RTTN: variants seen among roughly 807,000 people sequenced by gnomAD.
RTTN encodes rotatin.
In RTTN, 182 loss-of-function variants were observed where a neutral mutation model predicts 269.2. The ratio of observed to expected loss-of-function variants is 0.68; its 90% confidence interval spans 0.60 to 0.76. The LOEUF (loss-of-function observed/expected upper bound fraction) is 0.76. Among genes scored for constraint, RTTN ranks in the 30% least tolerant of loss-of-function variants. The pLI is 0.00. For synonymous variants in RTTN, 1,006 were observed against 963.5 expected, an observed-to-expected ratio of 1.04 and a Z score of -0.82; for missense variants, 2,545 against 2,608.6, an observed-to-expected ratio of 0.98 and a Z score of 0.53.
At chr18:70,060,716 T>G (rs962429387) in intron 35 of RTTN, among the ~76,000 whole-genome samples, 1 of 152,176 alleles carries the variant, frequency 6.6e-6, no homozygotes, top group Non-Finnish European at 1.5e-5. Flanking sequence ...TCCTCCTAAC[T>G]GTATTTTGTA....
intron 29 of RTTN, 103 bp downstream of exon 29, chr18:70,092,573 G>T: frequency 1.5e-6 from 2 of 1,320,400 alleles, no homozygotes; most frequent in African/African-American, 1.5e-5. Context: ...AAAGTCAAAA[G>T]AGACATTTTC....
chr18:70,056,307 C>T (rs866415682), intron 37 of RTTN, among the ~76,000 whole-genome samples: 3 of 152,110 alleles, frequency 2.0e-5, no homozygotes, highest in Non-Finnish European at 4.4e-5. Flanking sequence ...GAATGTGGGC[C>T]CTGGAACTGA....
At chr18:70,174,841 C>G (rs1050619362) in intron 11 of RTTN, among the ~76,000 whole-genome samples, 1 of 149,870 alleles carries the variant, frequency 6.7e-6, no homozygotes, top group African/African-American at 2.5e-5. Context: ...GCAAACATGG[C>G]GAAATCTGGT....
chr18:70,091,330 A>C (rs1022193154), intron 30 of RTTN, among the ~76,000 whole-genome samples: 3 of 152,182 alleles, frequency 2.0e-5, no homozygotes, highest in Non-Finnish European at 4.4e-5. Context: ...AAGTGACTAC[A>C]TTTGAAGACA....
intron 2 of RTTN, among the ~76,000 whole-genome samples, 168 bp from the exon 3 acceptor site, chr18:70,204,431 C>G (rs2062027186): frequency 6.6e-6 from 1 of 152,186 alleles, no homozygotes; most frequent in African/African-American, 2.4e-5. Flanking sequence ...AGCACATACA[C>G]CTATAGAGAC....
At chr18:70,144,223 C>T (rs1439711044) in intron 18 of RTTN, among the ~76,000 whole-genome samples, 1 of 152,150 alleles carries the variant, frequency 6.6e-6, no homozygotes, top group East Asian at 1.9e-4. Flanking sequence ...ACAAAGGTAA[C>T]AGAAAACAAC....
intron 15 of RTTN, 74 bp from the exon 16 acceptor site, chr18:70,150,161 T>C: frequency 1.2e-6 from 1 of 822,028 alleles, no homozygotes; most frequent in Non-Finnish European, 2.0e-6. Context: ...ACCTGGAACA[T>C]TTTATAGCAT....
At chr18:70,136,360 A>G (rs1387544293) in intron 21 of RTTN, among the ~76,000 whole-genome samples, 1 of 152,046 alleles carries the variant, frequency 6.6e-6, no homozygotes, top group African/African-American at 2.4e-5. Flanking sequence ...CCCAACTGCC[A>G]TAACAGAAAA....
Position 70,121,664 on chromosome 18 carries a change from C to G in RTTN, c.3420G>C (p.Glu1140Asp), listed in dbSNP as rs959847669. 1.5e-5 allele frequency: 24 copies of G among 1,566,516 alleles called. No homozygotes were observed. Among genetic ancestry groups the G allele is most frequent in the Admixed American group, 2.0e-5 (1 of 48,892 alleles). The part of the protein sequence containing the change: ...LQVLPACTED[E>D]KLLIDIIHFL... The stretch of plus-strand genomic sequence containing the variant: ...AATGTATGATATCTATTAGCAGTTT[C>G]TCATCTTCAGTGCAAGCAGGAAGCA... Residue 1140 changes from glutamate to aspartate, a missense_variant, in exon 26 of 49, where the codon GAG becomes GAC. Coordinates refer to ENST00000640769, the MANE Select transcript of RTTN (RefSeq NM_173630.4).
At chr18:70,079,941 G>C (rs900884788) in intron 32 of RTTN, among the ~76,000 whole-genome samples, 1 of 151,852 alleles carries the variant, frequency 6.6e-6, no homozygotes, top group Non-Finnish European at 1.5e-5. Context: ...TATTTTCAAG[G>C]AGAAAAATGA....
Position 70,088,206 on chromosome 18 carries a change from C to T in RTTN, c.4144-59G>A, listed in dbSNP as rs1195978309. On this transcript the variant is annotated intron_variant, in intron 30 of 48. Coordinates refer to ENST00000640769, the MANE Select transcript of RTTN (RefSeq NM_173630.4). ...ATAAGCCTTTTTCCTAACATGAATT[C>T]TTAGTTTTTCTGGTACATAAATATC... is the stretch of plus-strand genomic sequence containing the variant. 8.9e-6 allele frequency: 13 copies of T among 1,462,556 alleles called. 1 individual carries two copies. The highest frequency in any genetic ancestry group is 1.2e-5 in the Non-Finnish European group (13 of 1,087,246). The allele number at this position is 1,462,556 out of a possible 1,614,324, so 90.6% of individuals were successfully genotyped here.
At chr18:70,196,742 T>C (rs1254062374) in intron 6 of RTTN, 94 bp from the exon 7 acceptor site, 14 of 1,234,034 alleles carry the variant, frequency 1.1e-5, no homozygotes, top group Non-Finnish European at 1.5e-5. Context: ...CCTAAGTGAA[T>C]AATCAAGAGA....
chr18:70,128,625 C>T, intron 23 of RTTN, 79 bp from the exon 24 acceptor site: 1 of 1,170,118 alleles, frequency 8.5e-7, no homozygotes, highest in Non-Finnish European at 1.2e-6. Context: ...CAAATGAGGG[C>T]TAGTTCAATG....
intron 34 of RTTN, 136 bp from the exon 35 acceptor site, chr18:70,066,058 C>A (rs938356748): frequency 1.6e-4 from 75 of 478,924 alleles, no homozygotes; most frequent in Non-Finnish European, 2.2e-4. Context: ...AGAAAAGATT[C>A]CATATCTTGG....
chr18:70,194,903 T>C (rs1325640867), intron 7 of RTTN, among the ~76,000 whole-genome samples: 1 of 152,216 alleles, frequency 6.6e-6, no homozygotes, highest in Non-Finnish European at 1.5e-5. Flanking sequence ...ATGTTATTAA[T>C]GTCACTATAT....
intron 12 of RTTN, among the ~76,000 whole-genome samples, chr18:70,167,436 C>CACAAAATGCCACAGAGGCCAG (rs2145914542): frequency 6.6e-6 from 1 of 152,300 alleles, no homozygotes; most frequent in Non-Finnish European, 1.5e-5. Context: ...TAACTGACCA[C>CACAAAATGCCACAGAGGCCAG]ACAAAATGCC....
intron 39 of RTTN, among the ~76,000 whole-genome samples, chr18:70,050,453 G>T (rs1347978324): frequency 6.6e-6 from 1 of 152,194 alleles, no homozygotes. Flanking sequence ...GAGAAAATGG[G>T]AACACTTTTA....
intron 35 of RTTN, among the ~76,000 whole-genome samples, chr18:70,063,478 ATTAC>A (rs2058047457): frequency 6.6e-6 from 1 of 152,188 alleles, no homozygotes; most frequent in Admixed American, 6.5e-5. Flanking sequence ...AGACAGGAGG[ATTAC>A]TTGAGTCCAG....
intron 28 of RTTN, among the ~76,000 whole-genome samples, chr18:70,099,524 G>T (rs2059099305): frequency 6.6e-6 from 1 of 152,102 alleles, no homozygotes; most frequent in South Asian, 2.1e-4. Context: ...CTCCCATTCT[G>T]TAGGTTGCCT....
Sources: allele counts gnomAD v4.1 joint callset (sites outside exome capture counted in the v4.1 genomes callset), GRCh38; gene constraint gnomAD v4.1.1; transcripts MANE v1.5; gene names NCBI Gene and HGNC (gene_info 2026-07-23, HGNC 2026-07-21).